Variants in RPE observed in about 807,000 individuals in gnomAD.
RPE encodes the protein ribulose-phosphate 3-epimerase.
A neutral mutation model predicts 24.6 loss-of-function variants in RPE; 16 were observed. That is an observed-to-expected ratio of 0.65 (90% CI 0.44 to 0.99). The LOEUF is 0.99. RPE is among the 50% of genes least tolerant of loss of function. RPE has a pLI of 0.00. For synonymous variants in RPE, 93 were observed against 98.4 expected, an observed-to-expected ratio of 0.94 and a Z score of 0.33; for missense variants, 240 against 294.5, an observed-to-expected ratio of 0.81 and a Z score of 1.35.
At chr2:210,018,218 A>C in intron 5 of RPE, 1 of 1,534,634 alleles carries the variant, frequency 6.5e-7, no homozygotes, top group Non-Finnish European at 8.7e-7. Context: ...TACGGAATTA[A>C]AAGGTACTAC....
rs777835284 is a variant in RPE, at chr2:210,016,097, G to T, written c.327G>T (p.Arg109=). The T allele has an allele frequency of 6.2e-7, 1 of 1,614,202 alleles. No individual in the cohort carries two copies. The highest frequency in any genetic ancestry group is 8.5e-7 in the Non-Finnish European group (1 of 1,180,042). Residue 109 remains arginine, a synonymous_variant, in exon 3 of 6, where the codon CGG becomes CGT. Transcript: ENST00000359429. The part of the protein sequence containing the change: ...ENPGALIKDI[R]ENGMKVGLAI... ...CAGGGGCTTTGATTAAAGACATTCG[G>T]GAGAATGGGATGAAGGTAAGAAATC...
At position 210,019,706 on chromosome 2, in the gene RPE, T is replaced by A. The variant is rs1456749485; in HGVS notation, c.602T>A (p.Met201Lys). The change falls in exon 6 of 6, where the codon ATG becomes AAG. Residue 201 changes from methionine to lysine, a missense_variant. By Grantham distance (95) the Met-to-Lys change is moderately conservative. Coordinates refer to ENST00000359429, the MANE Select transcript of RPE (RefSeq NM_199229.3). ...ANMIVSGSAIMRSEDPRSVIN... is the reference protein window; with the variant it reads ...ANMIVSGSAIKRSEDPRSVIN... ...ATGATTGTGTCTGGCAGTGCTATTA[T>A]GAGGAGTGAAGACCCCAGATCTGTG... The A allele has an allele frequency of 1.2e-6, 2 of 1,613,532 alleles. No individual in the cohort carries two copies. The highest frequency in any genetic ancestry group is 1.7e-6 in the Non-Finnish European group (2 of 1,179,518).
chr2:210,005,715 C>T (rs1014366), intron 1 of RPE, among the ~76,000 whole-genome samples: 2,585 of 152,154 alleles, frequency 0.017, 85 homozygotes, highest in African/African-American at 0.059. Flanking sequence ...ACAGGGGCAG[C>T]CTCACCTTTA....
chr2:210,011,265 C>A (rs569106589), intron 2 of RPE, among the ~76,000 whole-genome samples: 1 of 152,086 alleles, frequency 6.6e-6, no homozygotes, highest in African/African-American at 2.4e-5. Context: ...TAGCAGATAC[C>A]GTGACTTTTC....
rs562644699 is a variant in RPE at position 210,011,704 on chromosome 2, G to A, written c.202+1968G>A. 7.2e-5 allele frequency among the ~76,000 whole-genome samples: 11 copies of A among 151,896 alleles called. No homozygotes were observed. The South Asian group carries it at 1.7e-3, about 23-fold the overall frequency. On this transcript the variant is annotated intron_variant, in intron 2 of 5. Coordinates refer to ENST00000359429, the MANE Select transcript of RPE (RefSeq NM_199229.3). ...GTTGTTGCTTTAAGAGACAGACTCC[G>A]TCTATTACCCAGGCAAGAGTACAGT...
At chr2:210,015,777 G>A (rs528984859) in intron 2 of RPE, among the ~76,000 whole-genome samples, 196 bp from the exon 3 acceptor site, 1 of 152,002 alleles carries the variant, frequency 6.6e-6, no homozygotes, top group Non-Finnish European at 1.5e-5. Flanking sequence ...AGTGTTTTTT[G>A]TAAATGAATT....
chr2:210,016,646 AAG>A lies in RPE; in HGVS notation c.477+7_477+8del, dbSNP rs757598269. On this transcript the variant is annotated splice_donor_region_variant and intron_variant, in intron 4 of 5. Coordinates refer to ENST00000359429, the MANE Select transcript of RPE (RefSeq NM_199229.3). Reference sequence around the variant, plus strand: ...ATGGAAGATATGATGCCAAAGGTAAAAGAAGTATTTGATTTTGGGGTGAGGCT... The same window carrying A: ...ATGGAAGATATGATGCCAAAGGTAAAAAGTATTTGATTTTGGGGTGAGGCT... The A allele has an allele frequency of 4.4e-5, 71 of 1,614,042 alleles. No individual in the cohort carries two copies. The highest frequency in any genetic ancestry group is 5.8e-5 in the Non-Finnish European group (69 of 1,180,040).
chr2:210,003,383 A>G (rs1553633758), intron 1 of RPE: 1 of 1,096,458 alleles, frequency 9.1e-7, no homozygotes, highest in Non-Finnish European at 1.2e-6. Flanking sequence ...GTTCTCTATA[A>G]TTGTTAATTA....
At chr2:210,018,178 C>T (rs1272841215) in intron 5 of RPE, 39 of 1,534,306 alleles carry the variant, frequency 2.5e-5, no homozygotes, top group Middle Eastern at 1.7e-4. Context: ...TTAAGTTTCA[C>T]GGCCTTGGAA....
chr2:210,002,817 G>C, intron 1 of RPE, 34 bp downstream of exon 1: 1 of 1,614,090 alleles, frequency 6.2e-7, no homozygotes. Context: ...GGCTTGCCGC[G>C]CGGCGGGGCG....
intron 5 of RPE, chr2:210,018,394 T>A: frequency 1.0e-6 from 1 of 984,926 alleles, no homozygotes; most frequent in Non-Finnish European, 1.2e-6. Flanking sequence ...AACTTTTTTT[T>A]ACTTTTTTTT....
At chr2:210,017,400 G>A in intron 4 of RPE, 73 bp from the exon 5 acceptor site, 2 of 1,242,200 alleles carry the variant, frequency 1.6e-6, no homozygotes, top group South Asian at 1.4e-5. Context: ...TTTTTTGTTT[G>A]ATTGTCCCCC....
rs747403286 is a variant in RPE, at chr2:210,021,995, A to ACAAT, written c.*2207_*2210dup. The ACAAT allele has an allele frequency of 4.6e-5, 7 of 151,138 alleles. No homozygotes were observed. The highest frequency in any genetic ancestry group is 8.8e-5 in the Non-Finnish European group (6 of 67,832). The allele number at this position is 151,138 out of a possible 1,614,324, so 9.4% of individuals were successfully genotyped here. ...ACTAATTTCTTGCTAATCTAGAAAT[A>ACAAT]CAATCATCTTTTTTTTTTTTTTCAA... is the stretch of plus-strand genomic sequence containing the variant. On this transcript the variant is annotated 3_prime_UTR_variant, in exon 6 of 6. Coordinates refer to ENST00000359429, the MANE Select transcript of RPE (RefSeq NM_199229.3).
intron 1 of RPE, among the ~76,000 whole-genome samples, chr2:210,006,100 AC>A (rs1345728933): frequency 1.3e-5 from 2 of 152,236 alleles, no homozygotes; most frequent in Non-Finnish European, 2.9e-5. Flanking sequence ...TTCACACTTA[AC>A]TAACTCCAGG....
rs2093848924 is a variant in RPE, at chr2:210,021,116, T to A, written c.*1325T>A. On this transcript the variant is annotated 3_prime_UTR_variant, in exon 6 of 6. Transcript: ENST00000359429. ...AGTCAATCCATAAACTAAATATTTA[T>A]AACTGTTCTGAATTATACAGAGTCT... The A allele has an allele frequency of 6.6e-6, 1 of 152,092 alleles. No individual in the cohort carries two copies. Among genetic ancestry groups the A allele is most frequent in the African/African-American group, 2.4e-5 (1 of 41,440 alleles). The allele number at this position is 152,092 out of a possible 1,614,324, so 9.4% of individuals were successfully genotyped here. A position where few individuals can be genotyped will look rare whatever the true frequency, so the allele number is the denominator to read the frequency against.
chr2:210,012,206 G>A (rs2093709547), intron 2 of RPE, among the ~76,000 whole-genome samples: 2 of 152,320 alleles, frequency 1.3e-5, no homozygotes, highest in East Asian at 1.9e-4. Context: ...TGATCCTCAA[G>A]TATGTTGTAT....
At chr2:210,008,188 G>C (rs2093654622) in intron 1 of RPE, among the ~76,000 whole-genome samples, 1 of 152,020 alleles carries the variant, frequency 6.6e-6, no homozygotes, top group Non-Finnish European at 1.5e-5. Context: ...TTCATTAGCT[G>C]TCAATCTCTG....
chr2:210,018,758 T>TA, intron 5 of RPE: 1 of 930,690 alleles, frequency 1.1e-6, no homozygotes, highest in Non-Finnish European at 1.3e-6. Flanking sequence ...GCGATGACCT[T>TA]AAACAGCAGG....
At chr2:210,009,531 G>T in intron 1 of RPE, 126 bp from the exon 2 acceptor site, 1 of 1,273,612 alleles carries the variant, frequency 7.9e-7, no homozygotes, top group Non-Finnish European at 1.1e-6. Context: ...ATTTAATACT[G>T]ATGATTAAGT....
Sources: gnomAD v4.1 joint callset for allele counts (sites outside exome capture counted in the v4.1 genomes callset) on GRCh38, gnomAD v4.1.1 for gene constraint, MANE v1.5 for transcripts, NCBI Gene and HGNC (gene_info 2026-07-23, HGNC 2026-07-21) for gene names.